ARID1B: variants seen among roughly 807,000 people sequenced by gnomAD.
The protein encoded by ARID1B is AT-rich interaction domain 1B.
In ARID1B, 30 loss-of-function variants were observed where a neutral mutation model predicts 212.3. The observed-to-expected ratio is 0.14, with a 90% CI of 0.11 to 0.19. The LOEUF is 0.19. ARID1B is among the 10% of genes least tolerant of loss of function. The pLI is 1.00. For missense variants in ARID1B, 2,891 were observed against 3,204.0 expected (o/e 0.90, Z 2.36); for synonymous variants, 1,402 against 1,301.7 (o/e 1.08, Z -1.66).
chr6:157,154,107 C>G (rs1438830075), intron 8 of ARID1B, among the ~76,000 whole-genome samples: 2 of 152,178 alleles, frequency 1.3e-5, no homozygotes, highest in Non-Finnish European at 2.9e-5. Flanking sequence ...CAAAATACAA[C>G]TGATTGTGGA....
intron 3 of ARID1B, among the ~76,000 whole-genome samples, chr6:156,911,500 T>G (rs1789890239): frequency 6.6e-6 from 1 of 152,088 alleles, no homozygotes; most frequent in Non-Finnish European, 1.5e-5. Context: ...TTAAATGCAT[T>G]TCTGTGTCCT....
intron 3 of ARID1B, among the ~76,000 whole-genome samples, chr6:156,904,008 T>C (rs1314121138): frequency 2.6e-5 from 4 of 152,220 alleles, no homozygotes; most frequent in African/African-American, 9.6e-5. Flanking sequence ...TCAATACATT[T>C]ATTGGTTTGA....
At chr6:156,779,774 AG>A (rs1251856160) in intron 1 of ARID1B, 1 of 154,594 alleles carries the variant, frequency 6.5e-6, no homozygotes, top group African/African-American at 2.4e-5. Context: ...CGAGATCCCG[AG>A]GCGCCACCCG....
chr6:156,832,604 G>T (rs1301712004), intron 2 of ARID1B, among the ~76,000 whole-genome samples: 1 of 152,178 alleles, frequency 6.6e-6, no homozygotes, highest in Non-Finnish European at 1.5e-5. Context: ...CTTACCAGCT[G>T]AGTGGTAAGT....
intron 4 of ARID1B, among the ~76,000 whole-genome samples, chr6:157,012,986 T>A (rs1779704759): frequency 6.6e-6 from 1 of 152,178 alleles, no homozygotes; most frequent in Admixed American, 6.5e-5. Flanking sequence ...TTGAAGCAAT[T>A]CTCCTGCTTC....
At chr6:157,155,671 A>G (rs1790529036) in intron 8 of ARID1B, among the ~76,000 whole-genome samples, 1 of 152,184 alleles carries the variant, frequency 6.6e-6, no homozygotes, top group Admixed American at 6.5e-5. Flanking sequence ...GAAATTGGGA[A>G]CTTTAGTTAA....
At chr6:156,963,002 C>T (rs1794502056) in intron 4 of ARID1B, among the ~76,000 whole-genome samples, 1 of 151,856 alleles carries the variant, frequency 6.6e-6, no homozygotes, top group Admixed American at 6.6e-5. Context: ...AGGATGATCG[C>T]TATCTCCTGA....
At chr6:157,036,765 C>G in intron 4 of ARID1B, 1 of 482,658 alleles carries the variant, frequency 2.1e-6, no homozygotes, top group South Asian at 1.5e-5. Context: ...ATGCCTGTGT[C>G]TGGTTTCTGT....
chr6:157,148,557 G>C lies in ARID1B; in HGVS notation c.2762-67G>C. ...TGCTGATCGCATTGTTGGACAAAAA[G>C]TATTTCCAGTGAATGTTGTCACAAG... On this transcript the variant is annotated intron_variant, in intron 7 of 19. Coordinates refer to ENST00000636930, the MANE Select transcript of ARID1B (RefSeq NM_001374828.1). This position sits in a 1 kb window ranked among gnomAD's most constrained non-coding sequence, Gnocchi z 5.6. 1 of 1,514,522 alleles carries C rather than the reference G, an allele frequency of 6.6e-7. No individual in the cohort carries two copies. The highest frequency in any genetic ancestry group is 1.8e-5 in the Admixed American group (1 of 54,100). 93.8% of individuals were successfully genotyped at this position (1,514,522 alleles called of 1,614,324 possible).
chr6:156,986,008 C>T (rs1441474829), intron 4 of ARID1B, among the ~76,000 whole-genome samples: 3 of 152,068 alleles, frequency 2.0e-5, no homozygotes, highest in East Asian at 1.9e-4. Flanking sequence ...CTGCCTCCTG[C>T]GATTTTTCTG....
intron 11 of ARID1B, among the ~76,000 whole-genome samples, chr6:157,178,146 G>C (rs1480269030): frequency 6.6e-6 from 1 of 152,272 alleles, no homozygotes; most frequent in South Asian, 2.1e-4. Context: ...ACTAGACTGT[G>C]CCCACGTTCA....
At chr6:156,879,301 A>T (rs1371338891) in intron 2 of ARID1B, among the ~76,000 whole-genome samples, 1 of 152,240 alleles carries the variant, frequency 6.6e-6, no homozygotes, top group African/African-American at 2.4e-5. Context: ...ATGTCATTCA[A>T]ATGGAACCTG....
chr6:156,914,091 C>T (rs1582937674), intron 3 of ARID1B, among the ~76,000 whole-genome samples: 1 of 146,606 alleles, frequency 6.8e-6, no homozygotes, highest in East Asian at 2.0e-4. Context: ...TTCCACTCTC[C>T]ACTCCCCAAC....
chr6:156,947,360 C>CT (rs1793227386), intron 4 of ARID1B, among the ~76,000 whole-genome samples: 1 of 152,218 alleles, frequency 6.6e-6, no homozygotes, highest in Non-Finnish European at 1.5e-5. Context: ...ATTAATTCCT[C>CT]CTTCTCTGAA....
At chr6:156,996,338 G>A (rs774760037) in intron 4 of ARID1B, among the ~76,000 whole-genome samples, 14 of 152,114 alleles carry the variant, frequency 9.2e-5, no homozygotes, top group South Asian at 2.1e-4. Context: ...CAGATGGGAC[G>A]GAGTATTCTG....
At chr6:157,178,628 A>T (rs1363084589) in intron 11 of ARID1B, among the ~76,000 whole-genome samples, 1 of 152,220 alleles carries the variant, frequency 6.6e-6, no homozygotes, top group Non-Finnish European at 1.5e-5. Context: ...GAAGATCTAA[A>T]AATTATGAAA....
At chr6:156,871,589 A>G (rs775832000) in intron 2 of ARID1B, 11 of 1,604,150 alleles carry the variant, frequency 6.9e-6, no homozygotes, top group Non-Finnish European at 7.7e-6. Flanking sequence ...TGTTGCTCCT[A>G]ATTACTGTTT....
At chr6:156,855,063 A>G (rs552572129) in intron 2 of ARID1B, among the ~76,000 whole-genome samples, 35 of 152,256 alleles carry the variant, frequency 2.3e-4, no homozygotes, top group African/African-American at 8.2e-4. Context: ...CATAGAAGGC[A>G]TTTCATGAAG....
intron 2 of ARID1B, among the ~76,000 whole-genome samples, chr6:156,900,837 C>A (rs1369173040): frequency 1.3e-5 from 2 of 152,136 alleles, no homozygotes; most frequent in Non-Finnish European, 2.9e-5. Context: ...TAAGAAAATG[C>A]CATCCTTAGC....
Sources: allele counts gnomAD v4.1 joint callset (sites outside exome capture counted in the v4.1 genomes callset), GRCh38; gene constraint gnomAD v4.1.1; non-coding constraint Gnocchi (gnomAD v3.1); transcripts MANE v1.5; gene names NCBI Gene and HGNC (gene_info 2026-07-23, HGNC 2026-07-21).